Variants in DPYD observed in about 807,000 individuals in gnomAD.
The protein encoded by DPYD is dihydropyrimidine dehydrogenase.
DPYD carries 109 observed loss-of-function variants against 116.2 expected under a neutral mutation model. The ratio of observed to expected loss-of-function variants is 0.94; its 90% CI spans 0.80 to 1.10. The LOEUF is 1.10. Among genes scored for constraint, DPYD ranks in the 50% least tolerant of loss-of-function variants. DPYD has a pLI of 0.00. For missense variants in DPYD, 1,302 were observed against 1,254.5 expected, an observed-to-expected ratio of 1.04 and a Z score of -0.57; for synonymous variants, 440 against 432.0, an observed-to-expected ratio of 1.02 and a Z score of -0.23.
chr1:97,173,246 G>GCA (rs1296416524), intron 20 of DPYD, among the ~76,000 whole-genome samples: 4 of 119,370 alleles, frequency 3.4e-5, no homozygotes, highest in South Asian at 2.7e-4. Context: ...ACACATATAT[G>GCA]TACATATATG....
intron 18 of DPYD, among the ~76,000 whole-genome samples, chr1:97,293,995 A>T (rs1666371982): frequency 2.0e-5 from 3 of 152,044 alleles, no homozygotes; most frequent in Admixed American, 6.6e-5. Context: ...CTTGTATGCA[A>T]CTGAATATTA....
At chr1:97,271,065 C>A (rs1253155671) in intron 18 of DPYD, among the ~76,000 whole-genome samples, 1 of 152,166 alleles carries the variant, frequency 6.6e-6, no homozygotes, top group Non-Finnish European at 1.5e-5. Flanking sequence ...GCATCAAATT[C>A]AGCTAAAGAA....
At chr1:97,319,494 C>A (rs1471488181) in intron 16 of DPYD, among the ~76,000 whole-genome samples, 11 of 133,822 alleles carry the variant, frequency 8.2e-5, no homozygotes, top group Middle Eastern at 7.3e-3. Context: ...GAAATGGATA[C>A]ATTCCTCGAC....
intron 22 of DPYD, among the ~76,000 whole-genome samples, chr1:97,080,275 G>C (rs1649063036): frequency 6.6e-6 from 1 of 151,854 alleles, no homozygotes; most frequent in Admixed American, 6.6e-5. Context: ...CTTGAGGCCA[G>C]GTCTACAAAT....
intron 20 of DPYD, among the ~76,000 whole-genome samples, chr1:97,152,302 ATGAATGGACAATTGGGTTATTT>A (rs1423879263): frequency 1.3e-5 from 2 of 152,178 alleles, no homozygotes; most frequent in African/African-American, 4.8e-5. Flanking sequence ...AGAGCTGGGA[ATGAATGGACAATTGGGTTATTT>A]TGTATTCTGT....
At chr1:97,408,778 A>C (rs957877176) in intron 14 of DPYD, among the ~76,000 whole-genome samples, 2 of 152,168 alleles carry the variant, frequency 1.3e-5, no homozygotes, top group Middle Eastern at 3.2e-3. Flanking sequence ...GCATGACTAG[A>C]ATAAAGCAGG....
chr1:97,467,913 A>G (rs1020774933), intron 13 of DPYD, among the ~76,000 whole-genome samples: 2 of 152,226 alleles, frequency 1.3e-5, no homozygotes, highest in African/African-American at 4.8e-5. Flanking sequence ...ACAGATCTAG[A>G]AAAGAAGCTA....
intron 18 of DPYD, among the ~76,000 whole-genome samples, chr1:97,261,515 TTAA>T (rs1190788611): frequency 1.6e-3 from 142 of 87,566 alleles, no homozygotes; most frequent in Non-Finnish European, 1.3e-3. Flanking sequence ...TTTTTTTTTT[TTAA>T]AAAAGAACGA....
intron 3 of DPYD, among the ~76,000 whole-genome samples, chr1:97,776,512 G>A (rs144918313): frequency 1.3e-5 from 2 of 152,222 alleles, no homozygotes; most frequent in African/African-American, 4.8e-5. Context: ...TATTTTTTGA[G>A]GTGATCCTCT....
intron 6 of DPYD, among the ~76,000 whole-genome samples, chr1:97,697,104 T>C (rs768061009): frequency 3.3e-5 from 5 of 152,168 alleles, no homozygotes; most frequent in Non-Finnish European, 7.4e-5. Context: ...TATCAAGCCC[T>C]TTTAACCCTG....
At chr1:97,110,431 C>T (rs1651508898) in intron 20 of DPYD, among the ~76,000 whole-genome samples, 1 of 152,082 alleles carries the variant, frequency 6.6e-6, no homozygotes, top group Admixed American at 6.6e-5. Flanking sequence ...TGGACTCCAC[C>T]TCACGTACCC....
intron 3 of DPYD, among the ~76,000 whole-genome samples, chr1:97,790,894 G>A (rs889432635): frequency 6.6e-6 from 1 of 152,104 alleles, no homozygotes; most frequent in Non-Finnish European, 1.5e-5. Flanking sequence ...TTTAGTATAA[G>A]CTGCTATCAA....
chr1:97,871,561 G>A (rs1386189334), intron 2 of DPYD, among the ~76,000 whole-genome samples: 1 of 150,738 alleles, frequency 6.6e-6, no homozygotes, highest in African/African-American at 2.4e-5. Flanking sequence ...ATCATGTTGA[G>A]GCTTTTTGGA....
intron 22 of DPYD, among the ~76,000 whole-genome samples, chr1:97,081,014 A>C (rs1303094188): frequency 1.3e-5 from 2 of 152,160 alleles, no homozygotes; most frequent in African/African-American, 4.8e-5. Flanking sequence ...AGACGACATG[A>C]AAGTAAATGT....
intron 21 of DPYD, among the ~76,000 whole-genome samples, chr1:97,086,752 A>C (rs1371614552): frequency 1.2e-3 from 1 of 830 alleles, no homozygotes; most frequent in African/African-American, 1.5e-3. Context: ...AACCATTGTA[A>C]AATAAAAAAA....
intron 12 of DPYD, among the ~76,000 whole-genome samples, chr1:97,529,409 G>T (rs1461130195): frequency 6.6e-6 from 1 of 151,780 alleles, no homozygotes; most frequent in Non-Finnish European, 1.5e-5. Context: ...GTTAAAAAAC[G>T]GCTTCACTAA....
intron 3 of DPYD, among the ~76,000 whole-genome samples, chr1:97,747,496 A>G (rs1170093322): frequency 6.6e-6 from 1 of 152,198 alleles, no homozygotes; most frequent in Non-Finnish European, 1.5e-5. Flanking sequence ...GGGATTGAGG[A>G]AGATGGCAAG....
At chr1:97,330,082 T>A in intron 16 of DPYD, among the ~76,000 whole-genome samples, 1 of 152,072 alleles carries the variant, frequency 6.6e-6, no homozygotes, top group East Asian at 1.9e-4. Flanking sequence ...ACATTTTACT[T>A]ATATTTCTTA....
At chr1:97,293,873 G>A (rs983028540) in intron 18 of DPYD, among the ~76,000 whole-genome samples, 4 of 142,104 alleles carry the variant, frequency 2.8e-5, no homozygotes, top group African/African-American at 7.6e-5. Context: ...GCTCGAACCC[G>A]GGAGGTGGAG....
Sources: allele counts gnomAD v4.1 joint callset (sites outside exome capture counted in the v4.1 genomes callset), GRCh38; gene constraint gnomAD v4.1.1; transcripts MANE v1.5; gene names NCBI Gene and HGNC (gene_info 2026-07-23, HGNC 2026-07-21).